Variants in ODAD2 observed in about 807,000 individuals in gnomAD.
The protein encoded by ODAD2 is outer dynein arm docking complex subunit 2.
Under a neutral mutation model 106.8 loss-of-function variants are expected in ODAD2, and 89 were observed. That is an observed-to-expected ratio of 0.83 (90% CI 0.70 to 0.99). The LOEUF is 0.99. Ranked by LOEUF, ODAD2 falls within the 50% of genes least tolerant of loss-of-function variation. The pLI, the probability that ODAD2 is intolerant of heterozygous loss-of-function variation, is 0.00. For missense variants in ODAD2, 1,168 were observed against 1,238.5 expected (o/e 0.94, Z 0.85); for synonymous variants, 404 against 436.2 (o/e 0.93, Z 0.92).
At chr10:27,892,108 C>T (rs1323368603) in intron 17 of ODAD2, among the ~76,000 whole-genome samples, 1 of 152,140 alleles carries the variant, frequency 6.6e-6, no homozygotes, top group Non-Finnish European at 1.5e-5. Context: ...AAATCTCTCA[C>T]ATTTTTCACA....
chr10:27,886,268 G>GA (rs1043386637), intron 17 of ODAD2, among the ~76,000 whole-genome samples: 6 of 141,250 alleles, frequency 4.2e-5, no homozygotes, highest in African/African-American at 5.2e-5. Context: ...TCTTGAAAGT[G>GA]AAAAAAAAAA....
chr10:27,929,468 G>T (rs1845466912), intron 16 of ODAD2, among the ~76,000 whole-genome samples: 1 of 152,040 alleles, frequency 6.6e-6, no homozygotes, highest in Non-Finnish European at 1.5e-5. Flanking sequence ...CCCTAATGAT[G>T]ATTCTTTCAT....
At position 27,847,634 on chromosome 10, in the gene ODAD2, C is replaced by T. The variant is rs559901527; in HGVS notation, c.3021+12991G>A. On this transcript the variant is annotated intron_variant, in intron 19 of 19. Coordinates refer to ENST00000305242, the MANE Select transcript of ODAD2 (RefSeq NM_018076.5). ...TTAGGAAAAGAGGAAGTCAAATTGT[C>T]CCTGTTTGCAGATGACATGATTGTG... Among the ~76,000 whole-genome samples, 164 of 152,128 alleles carry T rather than the reference C, an allele frequency of 1.1e-3. 1 individual carries two copies. The highest frequency in any genetic ancestry group is 1.8e-3 in the Non-Finnish European group (125 of 67,998).
Position 27,985,310 on chromosome 10 carries a change from C to CGT in ODAD2, c.383-101_383-100dup. The CGT allele has an allele frequency of 3.0e-6, 3 of 1,002,450 alleles. No homozygotes were observed. The South Asian group carries it at 5.9e-5, about 20-fold the overall frequency. 62.1% of individuals were successfully genotyped at this position (1,002,450 alleles called of 1,614,324 possible). ...ATAAATCCTTCAAAGTCCATTCAGA[C>CGT]GTGTTTCTTTCATTAAGCTTTTTCT... On this transcript the variant is annotated intron_variant, in intron 3 of 19. Transcript: ENST00000305242.
chr10:27,830,223 C>T (rs1349579159), intron 19 of ODAD2, among the ~76,000 whole-genome samples: 1 of 152,202 alleles, frequency 6.6e-6, no homozygotes, highest in African/African-American at 2.4e-5. Context: ...GAATGTCTTT[C>T]TCACCACATA....
In ODAD2 at chr10:27,944,234, AC is replaced by A; in HGVS notation, c.1730del (p.Gly577ValfsTer9). 6.2e-7 allele frequency: 1 copy of A among 1,610,062 alleles called. No homozygotes were observed. The highest frequency in any genetic ancestry group is 8.5e-7 in the Non-Finnish European group (1 of 1,178,668). On this transcript the variant is annotated frameshift_variant, in exon 12 of 20. Transcript: ENST00000305242. LOFTEE classifies it high-confidence loss of function. ...RARRVVRQHG[G>X]ITKLVALLDC... ...CACGGCTACTCACCAGTTTGGTGAT[AC>A]CCCCGTGCTGCCTCACCACCCGCCG...
intron 17 of ODAD2, 71 bp from the exon 18 acceptor site, chr10:27,862,693 A>T: frequency 8.5e-7 from 1 of 1,170,398 alleles, no homozygotes; most frequent in Non-Finnish European, 1.2e-6. Context: ...AGAGGCAGAA[A>T]GTAACAATAC....
intron 10 of ODAD2, among the ~76,000 whole-genome samples, chr10:27,950,978 A>G (rs1847291541): frequency 6.6e-6 from 1 of 152,208 alleles, no homozygotes; most frequent in African/African-American, 2.4e-5. Context: ...ACAATAACAA[A>G]TCAAAATGTT....
intron 10 of ODAD2, among the ~76,000 whole-genome samples, chr10:27,952,278 A>G: frequency 6.6e-6 from 1 of 152,082 alleles, no homozygotes. Flanking sequence ...AATTCAAACA[A>G]GGTACATTTT....
chr10:27,952,837 G>T (rs2132725071), intron 10 of ODAD2, among the ~76,000 whole-genome samples: 1 of 152,168 alleles, frequency 6.6e-6, no homozygotes, highest in East Asian at 1.9e-4. Flanking sequence ...ATTGATATTT[G>T]CTTTCTGTAA....
Position 27,889,661 on chromosome 10 carries a change from T to A in ODAD2, c.2610+18002A>T, listed in dbSNP as rs368738464. Among the ~76,000 whole-genome samples, 194 of 152,254 alleles carry A rather than the reference T, an allele frequency of 1.3e-3. 5 individuals are homozygous for A. In the South Asian group the frequency reaches 0.039, roughly 30 times the overall value. On this transcript the variant is annotated intron_variant, in intron 17 of 19. Transcript: ENST00000305242. The stretch of plus-strand genomic sequence containing the variant: ...CTGTCCCACATTCTGATCTCACAGT[T>A]TCACACATGGACACTCCCATGGACT...
In ODAD2 at chr10:27,812,637, AAGG is replaced by A. The variant is rs757325706; in HGVS notation, c.3022-15_3022-13del. ...ATATCCAGTAGAAGCTGTCACACAT[AAGG>A]AGGAGAAGAAGGGACACAAGAATAA... On this transcript the variant is annotated splice_polypyrimidine_tract_variant and intron_variant, in intron 19 of 19. Transcript: ENST00000305242. 6.4e-7 allele frequency: 1 copy of A among 1,567,664 alleles called. No individual in the cohort carries two copies. The highest frequency in any genetic ancestry group is 8.6e-7 in the Non-Finnish European group (1 of 1,165,570).
chr10:27,906,635 T>A (rs1843611380), intron 17 of ODAD2, among the ~76,000 whole-genome samples: 1 of 152,108 alleles, frequency 6.6e-6, no homozygotes, highest in Non-Finnish European at 1.5e-5. Flanking sequence ...AATGATAGAC[T>A]GGATAAAGAA....
chr10:27,841,210 A>G (rs1476696412), intron 19 of ODAD2, among the ~76,000 whole-genome samples: 9 of 152,184 alleles, frequency 5.9e-5, no homozygotes, highest in African/African-American at 2.2e-4. Context: ...GCTTGCTAGC[A>G]ACTGTTATTA....
chr10:27,972,348 G>A lies in ODAD2; in HGVS notation c.937-1035C>T, dbSNP rs186695517. ...TTTTAAAAAGCTCAATTCAAAAGGGGCAGAGGAAGGAAAAAAACTACAAAG... is the reference window on the plus strand; with the variant it reads ...TTTTAAAAAGCTCAATTCAAAAGGGACAGAGGAAGGAAAAAAACTACAAAG... On this transcript the variant is annotated intron_variant, in intron 7 of 19. Coordinates refer to ENST00000305242, the MANE Select transcript of ODAD2 (RefSeq NM_018076.5). Among the ~76,000 whole-genome samples the A allele has an allele frequency of 1.6e-3, 250 of 152,052 alleles. 1 individual carries two copies. Among genetic ancestry groups the A allele is most frequent in the Non-Finnish European group, 1.8e-3 (119 of 67,952 alleles).
At chr10:27,904,346 C>T (rs772635867) in intron 17 of ODAD2, 18 of 289,032 alleles carry the variant, frequency 6.2e-5, no homozygotes, top group Non-Finnish European at 8.6e-5. Context: ...GGAAGCAGAG[C>T]GGGAATCTTG....
chr10:27,880,991 A>G (rs1045996748), intron 17 of ODAD2, among the ~76,000 whole-genome samples: 2 of 152,154 alleles, frequency 1.3e-5, no homozygotes, highest in Non-Finnish European at 2.9e-5. Flanking sequence ...TAGTGAAAAA[A>G]TTGGGGAGCA....
intron 9 of ODAD2, among the ~76,000 whole-genome samples, 170 bp from the exon 10 acceptor site, chr10:27,961,885 C>T (rs1848168969): frequency 1.3e-5 from 2 of 152,084 alleles, no homozygotes; most frequent in South Asian, 4.1e-4. Context: ...GACAACATAG[C>T]AAGACTCTGT....
chr10:27,977,480 C>T (rs1849266933), intron 7 of ODAD2, among the ~76,000 whole-genome samples: 4 of 151,488 alleles, frequency 2.6e-5, no homozygotes, highest in African/African-American at 9.7e-5. Flanking sequence ...GGCAGGAGAA[C>T]GTTGTGAACC....
Sources: gnomAD v4.1 joint callset for allele counts (sites outside exome capture counted in the v4.1 genomes callset) on GRCh38, gnomAD v4.1.1 for gene constraint, MANE v1.5 for transcripts, NCBI Gene and HGNC (gene_info 2026-07-23, HGNC 2026-07-21) for gene names.